The following ARID1A variants were observed in gnomAD, a reference collection of about 807,000 sequenced individuals.
The protein encoded by ARID1A is AT-rich interactive domain-containing protein 1A.
In ARID1A, 20 loss-of-function variants were observed where a neutral mutation model predicts 212.6. The observed-to-expected ratio is 0.09, with a 90% CI of 0.07 to 0.14. The LOEUF (loss-of-function observed/expected upper bound fraction) is 0.14. Among genes scored for constraint, ARID1A ranks in the 10% least tolerant of loss-of-function variants. ARID1A has a pLI of 1.00. For missense variants in ARID1A, 2,587 were observed against 3,059.0 expected, an observed-to-expected ratio of 0.85 and a Z score of 3.64; for synonymous variants, 1,376 against 1,222.1, an observed-to-expected ratio of 1.13 and a Z score of -2.63.
intron 4 of ARID1A, among the ~76,000 whole-genome samples, chr1:26,749,513 G>A (rs545373030): frequency 2.0e-5 from 3 of 152,214 alleles, no homozygotes; most frequent in Non-Finnish European, 2.9e-5. Flanking sequence ...TGACCCAGCC[G>A]CTGTTTGCAG....
intron 1 of ARID1A, among the ~76,000 whole-genome samples, chr1:26,725,158 C>T (rs1456723104): frequency 6.6e-6 from 1 of 152,076 alleles, no homozygotes; most frequent in Non-Finnish European, 1.5e-5. Flanking sequence ...AGGATTTCCT[C>T]TGTCTTTCCC....
intron 1 of ARID1A, among the ~76,000 whole-genome samples, chr1:26,710,805 T>G (rs2080445987): frequency 2.0e-5 from 3 of 152,186 alleles, no homozygotes; most frequent in Admixed American, 1.3e-4. Context: ...TACCATAGAT[T>G]GATGTTTTAT....
chr1:26,778,917 C>T, intron 19 of ARID1A, 106 bp from the exon 20 acceptor site: 1 of 1,132,766 alleles, frequency 8.8e-7, no homozygotes, highest in Non-Finnish European at 1.2e-6. Flanking sequence ...AGCAACTCTG[C>T]CTCTCCCAAC....
At chr1:26,706,891 G>A (rs1324761206) in intron 1 of ARID1A, among the ~76,000 whole-genome samples, 4 of 152,168 alleles carry the variant, frequency 2.6e-5, no homozygotes, top group Non-Finnish European at 5.9e-5. Flanking sequence ...TTGGATAACC[G>A]GCTTTTAGTC....
chr1:26,708,266 C>CTTTTTTTTTTTTTTTTTTTTTTTTT lies in ARID1A; in HGVS notation c.1137+10738_1137+10762dup, dbSNP rs397860721. On this transcript the variant is annotated intron_variant, in intron 1 of 19. Coordinates refer to ENST00000324856, the MANE Select transcript of ARID1A (RefSeq NM_006015.6). ...TCAGCCTTTAAGATACAGTCCTTCA[C>CTTTTTTTTTTTTTTTTTTTTTTTTT]TTTTTTTTTTTTTTTTTTTTTTTTT... is the stretch of plus-strand genomic sequence containing the variant. 2.1e-4 allele frequency among the ~76,000 whole-genome samples: 5 copies of CTTTTTTTTTTTTTTTTTTTTTTTTT among 23,754 alleles called. 2 individuals are homozygous for CTTTTTTTTTTTTTTTTTTTTTTTTT. The highest frequency in any genetic ancestry group is 3.6e-4 in the Non-Finnish European group (5 of 13,996). 15.6% of individuals were successfully genotyped at this position (23,754 alleles called of 152,430 possible). A position where few individuals can be genotyped will look rare whatever the true frequency, so the allele number is the denominator to read the frequency against.
chr1:26,733,901 T>A (rs1371367015), intron 4 of ARID1A, among the ~76,000 whole-genome samples: 1 of 152,240 alleles, frequency 6.6e-6, no homozygotes. Context: ...GGAACTCTCT[T>A]CATCATGAAG....
intron 1 of ARID1A, among the ~76,000 whole-genome samples, chr1:26,711,075 C>T (rs2080448912): frequency 6.6e-6 from 1 of 151,816 alleles, no homozygotes. Context: ...CGGTCTACCA[C>T]CCCAATTAAT....
At position 26,774,583 on chromosome 1, in the gene ARID1A, G is replaced by A. The variant is rs2081115918; in HGVS notation, c.4356G>A (p.Gln1452=). Residue 1452 remains glutamine (Q), a synonymous_variant, in exon 18 of 20, where the codon CAG becomes CAA. Transcript: ENST00000324856. This position sits in a 1 kb window ranked among gnomAD's most constrained non-coding sequence, Gnocchi z 5.6. The part of the protein sequence containing the change: ...ATERRPAGGP[Q]NQFPFQFGRD... ...AGCGCCGACCAGCAGGCGGCCCCCAGAACCAATTTCCATTCCAGTTTGGCC... is the reference window on the plus strand; with the variant it reads ...AGCGCCGACCAGCAGGCGGCCCCCAAAACCAATTTCCATTCCAGTTTGGCC... The A allele has an allele frequency of 1.3e-5, 21 of 1,614,206 alleles. No individual in the cohort carries two copies. The highest frequency in any genetic ancestry group is 1.8e-5 in the Non-Finnish European group (21 of 1,180,042).
chr1:26,763,393 G>A, intron 8 of ARID1A, 108 bp downstream of exon 8: 1 of 1,290,256 alleles, frequency 7.8e-7, no homozygotes, highest in Non-Finnish European at 1.0e-6. Flanking sequence ...AAATGGGTGT[G>A]TGTGTATGAA....
rs568546649 is a variant in ARID1A at position 26,774,133 on chromosome 1, A to G, written c.4102-196A>G. On this transcript the variant is annotated intron_variant, in intron 17 of 19. Coordinates refer to ENST00000324856, the MANE Select transcript of ARID1A (RefSeq NM_006015.6). This position sits in a 1 kb window ranked among gnomAD's most constrained non-coding sequence, Gnocchi z 5.6. ...ATTTTTAGGTTTTGTATATTTTTCT[A>G]CTTAAGCAAGGGAAGGGAAGAAAGA... 13 of 1,197,864 alleles carry G rather than the reference A, an allele frequency of 1.1e-5. No individual in the cohort carries two copies. The African/African-American group carries it at 1.9e-4, about 17-fold the overall frequency. The allele number at this position is 1,197,864 out of a possible 1,614,324, so 74.2% of individuals were successfully genotyped here.
chr1:26,757,941 A>G (rs2080957408), intron 4 of ARID1A, among the ~76,000 whole-genome samples: 1 of 152,206 alleles, frequency 6.6e-6, no homozygotes, highest in African/African-American at 2.4e-5. Context: ...CCTGGCCAAC[A>G]TATAATTTTT....
At chr1:26,732,429 GCAT>G (rs2080688124) in intron 3 of ARID1A, among the ~76,000 whole-genome samples, 1 of 152,190 alleles carries the variant, frequency 6.6e-6, no homozygotes, top group South Asian at 2.1e-4. Context: ...CCAGACATTA[GCAT>G]TTAACCCCAA....
Position 26,781,333 on chromosome 1 carries a change from A to ATGTAC in ARID1A, c.*588_*592dup, listed in dbSNP as rs943331229. 4.3e-6 allele frequency: 1 copy of ATGTAC among 233,738 alleles called. No individual in the cohort carries two copies. The highest frequency in any genetic ancestry group is 8.5e-6 in the Non-Finnish European group (1 of 118,234). 14.5% of individuals were successfully genotyped at this position (233,738 alleles called of 1,614,324 possible). ...TGTGCAGTAGAGTGTAGACCCTTTC[A>ATGTAC]TGTACTGTACTGTACACCTGATACT... On this transcript the variant is annotated 3_prime_UTR_variant, in exon 20 of 20. Transcript: ENST00000324856.
At chr1:26,715,867 C>T (rs2080497821) in intron 1 of ARID1A, among the ~76,000 whole-genome samples, 3 of 151,534 alleles carry the variant, frequency 2.0e-5, no homozygotes, top group African/African-American at 7.3e-5. Context: ...AATAGTTGGG[C>T]CTTGCCAATG....
intron 1 of ARID1A, among the ~76,000 whole-genome samples, chr1:26,718,731 C>G (rs1168193937): frequency 1.3e-5 from 2 of 152,124 alleles, no homozygotes; most frequent in African/African-American, 4.8e-5. Flanking sequence ...TGTACACATT[C>G]AGTACAGGCA....
intron 19 of ARID1A, among the ~76,000 whole-genome samples, chr1:26,776,628 A>G (rs1201962512): frequency 6.6e-6 from 1 of 151,848 alleles, no homozygotes; most frequent in African/African-American, 2.4e-5. Context: ...GGATGTGCAC[A>G]CTAGTGGAGG....
chr1:26,763,426 G>C (rs959942477), intron 8 of ARID1A, 141 bp downstream of exon 8: 1 of 1,043,712 alleles, frequency 9.6e-7, no homozygotes, highest in South Asian at 1.7e-5. Context: ...ACATACCTTA[G>C]ATGGGTCTGA....
intron 3 of ARID1A, among the ~76,000 whole-genome samples, 182 bp downstream of exon 3, chr1:26,731,786 A>G (rs1312684043): frequency 6.6e-6 from 1 of 152,242 alleles, no homozygotes; most frequent in African/African-American, 2.4e-5. Context: ...CCTTAACTGC[A>G]TAAAGACCTG....
intron 18 of ARID1A, 128 bp from the exon 19 acceptor site, chr1:26,775,448 TC>T (rs911155881): frequency 1.4e-6 from 2 of 1,435,560 alleles, no homozygotes. Flanking sequence ...CTGGTGTGTT[TC>T]ATCTCCCAGA....
Sources: allele counts gnomAD v4.1 joint callset (sites outside exome capture counted in the v4.1 genomes callset), GRCh38; gene constraint gnomAD v4.1.1; non-coding constraint Gnocchi (gnomAD v3.1); transcripts MANE v1.5; gene names NCBI Gene and HGNC (gene_info 2026-07-23, HGNC 2026-07-21).